Variants in SYT2 observed in about 807,000 individuals in gnomAD.
SYT2 encodes the protein synaptotagmin 2.
In SYT2, 15 loss-of-function variants were observed where a neutral mutation model predicts 39.9. The ratio of observed to expected loss-of-function variants is 0.38; its 90% CI spans 0.25 to 0.58. SYT2 has a LOEUF of 0.58. Among genes scored for constraint, SYT2 ranks in the 20% least tolerant of loss-of-function variants. The pLI is 0.70. For missense variants in SYT2, 389 were observed against 530.3 expected, an observed-to-expected ratio of 0.73 and a Z score of 2.62; for synonymous variants, 181 against 204.5, an observed-to-expected ratio of 0.89 and a Z score of 0.98.
intron 1 of SYT2, among the ~76,000 whole-genome samples, chr1:202,707,223 G>C (rs1654275452): frequency 6.6e-6 from 1 of 152,170 alleles, no homozygotes; most frequent in Admixed American, 6.5e-5. Context: ...CCCACCCAGA[G>C]AGACTACAAT....
At chr1:202,611,877 G>A (rs1163820273) in intron 1 of SYT2, among the ~76,000 whole-genome samples, 2 of 151,848 alleles carry the variant, frequency 1.3e-5, no homozygotes, top group African/African-American at 2.4e-5. Flanking sequence ...TTAAGACAGG[G>A]TCTCACTCTG....
chr1:202,658,820 G>A (rs768592253), intron 1 of SYT2, among the ~76,000 whole-genome samples: 1 of 152,110 alleles, frequency 6.6e-6, no homozygotes, highest in Non-Finnish European at 1.5e-5. Context: ...CTGCCAGTGT[G>A]TGGCCCCCTG....
chr1:202,643,967 G>A (rs1572653347), intron 1 of SYT2, among the ~76,000 whole-genome samples: 1 of 152,240 alleles, frequency 6.6e-6, no homozygotes, highest in Non-Finnish European at 1.5e-5. Context: ...TGCGGGCAGG[G>A]GTGGGAGGGA....
intron 1 of SYT2, among the ~76,000 whole-genome samples, chr1:202,647,461 C>A (rs57658975): frequency 0.17 from 25,938 of 152,116 alleles, 2,384 homozygotes; most frequent in Non-Finnish European, 0.21. Flanking sequence ...AGGCTTCCCC[C>A]CCCAACCGTA....
At position 202,604,561 on chromosome 1, in the gene SYT2, CAGCAGGTGAGA is replaced by C. The variant is rs1368259754; in HGVS notation, c.228_238del (p.Thr78LeufsTer36). ...GCAGCATTTCTTGCAGATGCAGAAG[CAGCAGGTGAGA>C]AGCAGGAGCCCAGCAACCACAGCAA... On this transcript the variant is annotated frameshift_variant, in exon 3 of 9. Coordinates refer to ENST00000367268, the MANE Select transcript of SYT2 (RefSeq NM_177402.5). LOFTEE classifies it high-confidence loss of function. 1 of 1,614,210 alleles carries C rather than the reference CAGCAGGTGAGA, an allele frequency of 6.2e-7. No individual in the cohort carries two copies. The highest frequency in any genetic ancestry group is 8.5e-7 in the Non-Finnish European group (1 of 1,180,052).
At chr1:202,643,664 G>T in intron 1 of SYT2, among the ~76,000 whole-genome samples, 1 of 152,238 alleles carries the variant, frequency 6.6e-6, no homozygotes, top group East Asian at 1.9e-4. Flanking sequence ...TCTCCAGTCC[G>T]GACTGCCAGC....
At chr1:202,627,993 C>A (rs1691466964) in intron 1 of SYT2, among the ~76,000 whole-genome samples, 1 of 152,168 alleles carries the variant, frequency 6.6e-6, no homozygotes, top group African/African-American at 2.4e-5. Context: ...CAGCCCAGGG[C>A]TCTTTCCTTC....
intron 1 of SYT2, among the ~76,000 whole-genome samples, chr1:202,638,465 G>A (rs12078911): frequency 0.051 from 7,774 of 152,262 alleles, 331 homozygotes; most frequent in African/African-American, 0.11. Context: ...TGAGAGACCC[G>A]CTCAATGGGC....
intron 8 of SYT2, among the ~76,000 whole-genome samples, chr1:202,597,300 A>G (rs780206921): frequency 3.3e-5 from 5 of 152,146 alleles, no homozygotes; most frequent in Non-Finnish European, 7.3e-5. Context: ...TTACAACATG[A>G]ATTGATAAAG....
chr1:202,702,614 G>C (rs1345822513), intron 1 of SYT2, among the ~76,000 whole-genome samples: 1 of 152,104 alleles, frequency 6.6e-6, no homozygotes, highest in Non-Finnish European at 1.5e-5. Context: ...TAACCAATAG[G>C]TTCTTGTTCA....
intron 1 of SYT2, among the ~76,000 whole-genome samples, chr1:202,695,003 G>T (rs1456423263): frequency 6.6e-6 from 1 of 151,970 alleles, no homozygotes; most frequent in Non-Finnish European, 1.5e-5. Flanking sequence ...CCCCTGCTTG[G>T]TCTTTTGTTA....
intron 8 of SYT2, among the ~76,000 whole-genome samples, chr1:202,598,829 G>A (rs1441040810): frequency 6.6e-6 from 1 of 152,196 alleles, no homozygotes; most frequent in African/African-American, 2.4e-5. Flanking sequence ...CTAGAGAGCA[G>A]TGGAAGTGGG....
At chr1:202,640,524 G>T (rs7520500) in intron 1 of SYT2, among the ~76,000 whole-genome samples, 6,817 of 136,696 alleles carry the variant, frequency 0.05, 541 homozygotes, top group African/African-American at 0.19. Flanking sequence ...TCACTCCAGG[G>T]ACATCTGGCT....
chr1:202,625,115 GGTA>G (rs1691349148), intron 1 of SYT2, among the ~76,000 whole-genome samples: 1 of 994 alleles, frequency 1.0e-3, no homozygotes, highest in African/African-American at 2.1e-3. Flanking sequence ...TGGTGTGTGT[GGTA>G]TGTGTGTCGT....
intron 1 of SYT2, among the ~76,000 whole-genome samples, chr1:202,626,680 A>G (rs764068084): frequency 4.3e-4 from 65 of 152,130 alleles, no homozygotes; most frequent in East Asian, 3.9e-4. Context: ...ATAGCCTCTC[A>G]GCTTTTAGAA....
intron 1 of SYT2, among the ~76,000 whole-genome samples, chr1:202,647,459 C>A (rs1018480380): frequency 3.9e-5 from 6 of 152,124 alleles, no homozygotes; most frequent in Admixed American, 6.5e-5. Context: ...GGAGGCTTCC[C>A]CCCCCAACCG....
intron 1 of SYT2, among the ~76,000 whole-genome samples, chr1:202,702,691 C>T (rs150582067): frequency 2.0e-5 from 3 of 152,192 alleles, no homozygotes; most frequent in Non-Finnish European, 2.9e-5. Context: ...GCCTCCACCC[C>T]GTCTCCTAAC....
At chr1:202,606,218 G>A (rs1349190251) in intron 1 of SYT2, among the ~76,000 whole-genome samples, 1 of 152,114 alleles carries the variant, frequency 6.6e-6, no homozygotes, top group Non-Finnish European at 1.5e-5. Flanking sequence ...TTAACAGATG[G>A]GGAAACAGGT....
intron 1 of SYT2, among the ~76,000 whole-genome samples, chr1:202,648,177 C>A (rs976180912): frequency 6.6e-6 from 1 of 152,142 alleles, no homozygotes; most frequent in African/African-American, 2.4e-5. Context: ...TAAATGTTAG[C>A]TGTTTTGTTT....
Sources: allele counts gnomAD v4.1 joint callset (sites outside exome capture counted in the v4.1 genomes callset), GRCh38; gene constraint gnomAD v4.1.1; transcripts MANE v1.5; gene names NCBI Gene and HGNC (gene_info 2026-07-23, HGNC 2026-07-21).